RIF1: variants seen among roughly 807,000 people sequenced by gnomAD.
The protein encoded by RIF1 is replication timing regulatory factor 1.
In RIF1, 45 loss-of-function variants were observed where a neutral mutation model predicts 247.1. That is an observed-to-expected ratio of 0.18 (90% CI 0.14 to 0.23). The LOEUF (loss-of-function observed/expected upper bound fraction) is 0.23, where lower values mean the gene tolerates loss of function less well. RIF1 is among the 10% of genes least tolerant of loss of function. The probability of loss-of-function intolerance (pLI) is 1.00; values close to 1 mark genes in which losing one functional copy is unlikely to be tolerated. For synonymous variants in RIF1, 1,087 were observed against 978.8 expected, an observed-to-expected ratio of 1.11 and a Z score of -2.06; for missense variants, 2,967 against 2,862.5, an observed-to-expected ratio of 1.04 and a Z score of -0.83.
intron 12 of RIF1, chr2:151,505,973 C>T (rs1306735518): frequency 6.6e-6 from 4 of 608,422 alleles, no homozygotes; most frequent in Non-Finnish European, 1.2e-5. Flanking sequence ...CTAATCTCTC[C>T]CTCATGAAAA....
chr2:151,483,756 G>A (rs1005551230), downstream of RIF1, among the ~76,000 whole-genome samples: 3 of 152,180 alleles, frequency 2.0e-5, no homozygotes, highest in African/African-American at 2.4e-5. Context: ...GCAGGAGGTC[G>A]AGTGGCCGGT....
chr2:151,416,983 GAGAC>G (rs1319894017), intron 6 of RIF1, 82 bp downstream of exon 6: 6 of 1,039,454 alleles, frequency 5.8e-6, no homozygotes, highest in Non-Finnish European at 8.6e-6. Flanking sequence ...ATTTAAATGA[GAGAC>G]AGACATTAAA....
At position 151,468,740 on chromosome 2, in the gene RIF1, A is replaced by T. The variant is rs1252166116; in HGVS notation, c.6925A>T (p.Ile2309Phe). 7 of 1,611,360 alleles carry T rather than the reference A, an allele frequency of 4.3e-6. No homozygotes were observed. The highest frequency in any genetic ancestry group is 5.9e-6 in the Non-Finnish European group (7 of 1,177,476). Residue 2309 changes from isoleucine (I) to phenylalanine (F), a missense_variant, in exon 33 of 36, where the codon ATT (isoleucine) becomes TTT (phenylalanine). Ile to Phe is a conservative substitution (Grantham distance 21). Transcript: ENST00000444746. ...VAPVDIILPQITSNMWARGLG... is the reference protein window; with the variant it reads ...VAPVDIILPQFTSNMWARGLG... ...ACCAGTTGACATCATTTTACCTCAG[A>T]TTACATCAAACATGTGGTAAGTGGT...
chr2:151,444,634 A>G (rs903953253), intron 18 of RIF1, among the ~76,000 whole-genome samples: 3 of 152,146 alleles, frequency 2.0e-5, no homozygotes, highest in African/African-American at 4.8e-5. Context: ...TGTTTTGGCT[A>G]CTCAAGCTAG....
intron 15 of RIF1, 33 bp from the exon 16 acceptor site, chr2:151,441,872 C>T (rs1692352068): frequency 1.0e-6 from 1 of 1,004,128 alleles, no homozygotes; most frequent in South Asian, 1.4e-5. Flanking sequence ...ATTTTTACGG[C>T]TAATTTACTG....
chr2:151,462,223 T>C lies in RIF1; in HGVS notation c.3228-19T>C. ...ATATCATCCGGTTTTTGAAGTTACT[T>C]ATATATAGTTTTTTTCAGGTGTGAT... On this transcript the variant is annotated intron_variant, in intron 27 of 35. Coordinates refer to ENST00000444746, the MANE Select transcript of RIF1 (RefSeq NM_018151.5). The C allele has an allele frequency of 6.7e-7, 1 of 1,491,346 alleles. No homozygotes were observed. The highest frequency in any genetic ancestry group is 1.3e-5 in the South Asian group (1 of 79,568). The allele number at this position is 1,491,346 out of a possible 1,614,324, so 92.4% of individuals were successfully genotyped here.
At chr2:151,497,525 T>TAAG in intron 10 of RIF1, 1 of 1,502,388 alleles carries the variant, frequency 6.7e-7, no homozygotes. Flanking sequence ...TCACAAAATT[T>TAAG]AAGTTGTCTT....
chr2:151,427,460 C>A (rs1689302802), intron 8 of RIF1, among the ~76,000 whole-genome samples: 1 of 151,492 alleles, frequency 6.6e-6, no homozygotes, highest in African/African-American at 2.4e-5. Context: ...ATTCGCCTGC[C>A]TTGGCCTCCC....
intron 30 of RIF1, among the ~76,000 whole-genome samples, chr2:151,466,796 A>C (rs1696975462): frequency 6.6e-6 from 1 of 152,256 alleles, no homozygotes; most frequent in Admixed American, 6.5e-5. Context: ...AGATATCCTG[A>C]AAAGGTATGA....
chr2:151,513,474 G>T, the RIF1 span: 1 of 778,600 alleles, frequency 1.3e-6, no homozygotes, highest in Non-Finnish European at 2.1e-6. Flanking sequence ...GAATGCCATT[G>T]TATGCATGTG....
chr2:151,474,946 G>T lies in RIF1; in HGVS notation c.7294G>T (p.Asp2432Tyr), dbSNP rs761358336. The change falls in exon 36 of 36, where the codon GAT becomes TAT. Residue 2432 changes from aspartate to tyrosine, a missense_variant. Around this residue, in one of 7 missense-constraint regions of RIF1, gnomAD observed 151 missense variants for 163.4 expected, o/e 0.92. Coordinates refer to ENST00000444746, the MANE Select transcript of RIF1 (RefSeq NM_018151.5). ...TCTTGCTCTTCAGCTGGATTCAGAA[G>T]ATCTTCATAATTATTCAGGAAGCCA... ...SALALQLDSE[D>Y]LHNYSGSQLF... 6.2e-7 allele frequency: 1 copy of T among 1,611,252 alleles called. No homozygotes were observed.
intron 20 of RIF1, among the ~76,000 whole-genome samples, chr2:151,447,713 T>G (rs1693568433): frequency 6.6e-6 from 1 of 152,140 alleles, no homozygotes; most frequent in Non-Finnish European, 1.5e-5. Context: ...GCCCAGCTAA[T>G]TTTGTATTTT....
chr2:151,531,313 T>C, the RIF1 span, among the ~76,000 whole-genome samples: 2 of 131,468 alleles, frequency 1.5e-5, no homozygotes, highest in African/African-American at 2.8e-5. Flanking sequence ...TCTTTCTTTT[T>C]TTTTTTTTTT....
intron 14 of RIF1, among the ~76,000 whole-genome samples, chr2:151,439,824 T>G (rs1251750799): frequency 6.7e-6 from 1 of 150,038 alleles, no homozygotes; most frequent in Non-Finnish European, 1.5e-5. Flanking sequence ...AATATGAAAA[T>G]CAGCCAGGCA....
At chr2:151,503,885 A>G (rs781054179) in intron 12 of RIF1, among the ~76,000 whole-genome samples, 3 of 152,152 alleles carry the variant, frequency 2.0e-5, no homozygotes, top group African/African-American at 4.8e-5. Context: ...GTATGTTCTA[A>G]TGAATGTTCC....
At chr2:151,442,762 G>A (rs1018544766) in intron 16 of RIF1, among the ~76,000 whole-genome samples, 2 of 136,698 alleles carry the variant, frequency 1.5e-5, no homozygotes, top group Admixed American at 1.7e-4. Flanking sequence ...ACTATAAAGA[G>A]CTTGATTTTT....
intron 3 of RIF1, among the ~76,000 whole-genome samples, chr2:151,412,290 TC>T (rs1292843931): frequency 1.1e-4 from 15 of 132,962 alleles, no homozygotes; most frequent in African/African-American, 2.7e-4. Flanking sequence ...GACCTTGTTC[TC>T]TTTTTTTAAT....
At chr2:151,497,075 C>G in intron 10 of RIF1, 1 of 1,541,396 alleles carries the variant, frequency 6.5e-7, no homozygotes, top group Non-Finnish European at 8.8e-7. Context: ...CCATGAGTAA[C>G]ATTTCATTTG....
chr2:151,532,126 T>G, the RIF1 span: 2 of 376,834 alleles, frequency 5.3e-6, no homozygotes, highest in East Asian at 5.3e-5. Context: ...AGACGGAGTC[T>G]TACTCTGTCA....
Sources: gnomAD v4.1 joint callset for allele counts (sites outside exome capture counted in the v4.1 genomes callset) on GRCh38, gnomAD v4.1.1 for gene constraint, gnomAD v4.1.1 regional missense constraint, MANE v1.5 for transcripts, NCBI Gene and HGNC (gene_info 2026-07-23, HGNC 2026-07-21) for gene names.